The following TTC6 variants were observed in gnomAD, a reference collection of about 807,000 sequenced individuals.
TTC6 encodes tetratricopeptide repeat protein 6.
In TTC6, 172 loss-of-function variants were observed where a neutral mutation model predicts 210.4. The observed-to-expected ratio is 0.82, with a 90% confidence interval of 0.72 to 0.93. TTC6 has a LOEUF of 0.93. Among genes scored for constraint, TTC6 ranks in the 40% least tolerant of loss-of-function variants. The pLI is 0.00. For missense variants in TTC6, 2,414 were observed against 2,318.1 expected, an observed-to-expected ratio of 1.04 and a Z score of -0.85; for synonymous variants, 804 against 819.6, an observed-to-expected ratio of 0.98 and a Z score of 0.32.
chr14:37,601,942 A>G lies in TTC6; in HGVS notation c.-234-4721A>G, dbSNP rs181866752. ...TTTCTGTCAGGCAACACTTTTCACT[A>G]GGAGCTGGAAAGGAAACATCGGTGT... On this transcript the variant is annotated intron_variant, in intron 1 of 2. Coordinates refer to the TTC6 transcript ENST00000556845. Among the ~76,000 whole-genome samples the G allele has an allele frequency of 4.6e-4, 70 of 152,376 alleles. 1 individual carries two copies. The highest frequency in any genetic ancestry group is 3.4e-3 in the Middle Eastern group (1 of 294).
chr14:37,687,249 C>A (rs1266933259), intron 3 of TTC6, among the ~76,000 whole-genome samples: 1 of 152,118 alleles, frequency 6.6e-6, no homozygotes, highest in South Asian at 2.1e-4. Flanking sequence ...CTTAACCAAA[C>A]TCAGCTGGTG....
intron 4 of TTC6, among the ~76,000 whole-genome samples, chr14:37,698,312 G>T (rs2095818491): frequency 6.6e-6 from 1 of 152,074 alleles, no homozygotes; most frequent in Non-Finnish European, 1.5e-5. Flanking sequence ...AAATAACCAA[G>T]GGAAATTTAT....
intron 14 of TTC6, among the ~76,000 whole-genome samples, chr14:37,784,250 G>A (rs28814379): frequency 0.058 from 8,817 of 152,202 alleles, 572 homozygotes; most frequent in East Asian, 0.17. Flanking sequence ...TATTGTGTGG[G>A]AGTCTAAGTC....
chr14:37,757,792 G>T (rs1232558764), intron 14 of TTC6, among the ~76,000 whole-genome samples: 1 of 152,052 alleles, frequency 6.6e-6, no homozygotes, highest in African/African-American at 2.4e-5. Flanking sequence ...GTCGATTTTA[G>T]ATTGTTCCTG....
chr14:37,806,353 T>C lies in TTC6; in HGVS notation c.4165-8T>C. On this transcript the variant is annotated splice_polypyrimidine_tract_variant and splice_region_variant and intron_variant, in intron 21 of 30. Transcript: ENST00000553443. Reference sequence around the variant, plus strand: ...AATGGTTTGCATTTTGACAATATGCTCCTGTAGGCTTTTGATTCTTTTACA... The same window carrying C: ...AATGGTTTGCATTTTGACAATATGCCCCTGTAGGCTTTTGATTCTTTTACA... The C allele has an allele frequency of 6.5e-7, 1 of 1,533,242 alleles. No homozygotes were observed. Among genetic ancestry groups the C allele is most frequent in the Non-Finnish European group, 8.7e-7 (1 of 1,145,384 alleles). The allele number at this position is 1,533,242 out of a possible 1,614,324, so 95.0% of individuals were successfully genotyped here. A position where few individuals can be genotyped will look rare whatever the true frequency, so the allele number is the denominator to read the frequency against.
At chr14:37,647,999 T>C (rs991372460) in intron 1 of TTC6, among the ~76,000 whole-genome samples, 2 of 152,120 alleles carry the variant, frequency 1.3e-5, no homozygotes, top group Admixed American at 1.3e-4. Context: ...GCGTTATAAC[T>C]ATAATATTAC....
chr14:37,619,236 G>A (rs1015382049), upstream of TTC6, among the ~76,000 whole-genome samples: 1 of 152,176 alleles, frequency 6.6e-6, no homozygotes, highest in African/African-American at 2.4e-5. Context: ...GGTCTAGTCA[G>A]TCATGGAGCT....
At position 37,682,739 on chromosome 14, in the gene TTC6, C is replaced by G. The variant is rs2095786599; in HGVS notation, c.1051-19C>G. The G allele has an allele frequency of 6.5e-7, 1 of 1,531,288 alleles. No individual in the cohort carries two copies. The highest frequency in any genetic ancestry group is 2.4e-5 in the East Asian group (1 of 40,866). 94.9% of individuals were successfully genotyped at this position (1,531,288 alleles called of 1,614,324 possible). On this transcript the variant is annotated intron_variant, in intron 2 of 30. Transcript: ENST00000553443. ...CCAATAAAAAAAAAGCATTCTTGCACATTTACTTTTTCCAACAGAGCGTGC... is the reference window on the plus strand; with the variant it reads ...CCAATAAAAAAAAAGCATTCTTGCAGATTTACTTTTTCCAACAGAGCGTGC...
intron 8 of TTC6, 51 bp from the exon 11 acceptor site, chr14:37,737,609 A>G (rs2095905257): frequency 1.9e-6 from 2 of 1,059,914 alleles, no homozygotes; most frequent in Admixed American, 4.8e-5. Context: ...ATTTTAGCTT[A>G]TCAGATAGTA....
At chr14:37,805,603 GT>G (rs2096116710) in intron 21 of TTC6, among the ~76,000 whole-genome samples, 2 of 152,156 alleles carry the variant, frequency 1.3e-5, no homozygotes, top group South Asian at 4.1e-4. Context: ...TATTTTACAT[GT>G]TTTTAGTCCT....
intron 1 of TTC6, among the ~76,000 whole-genome samples, chr14:37,673,786 G>C (rs2138499310): frequency 6.6e-6 from 1 of 152,236 alleles, no homozygotes; most frequent in Middle Eastern, 3.4e-3. Context: ...GGTCCTTCCA[G>C]CTTGGACATT....
chr14:37,738,509 T>C (rs956775907), intron 9 of TTC6, among the ~76,000 whole-genome samples: 1 of 152,018 alleles, frequency 6.6e-6, no homozygotes, highest in Non-Finnish European at 1.5e-5. Flanking sequence ...ATATAGAAAA[T>C]CATAATACAT....
chr14:37,663,061 T>C (rs2138420840), intron 1 of TTC6, among the ~76,000 whole-genome samples: 1 of 152,328 alleles, frequency 6.6e-6, no homozygotes, highest in South Asian at 2.1e-4. Flanking sequence ...CATCTCTGAT[T>C]TCTTTGAGCA....
At chr14:37,657,488 C>T (rs757145731) in intron 1 of TTC6, among the ~76,000 whole-genome samples, 1 of 151,788 alleles carries the variant, frequency 6.6e-6, no homozygotes, top group Non-Finnish European at 1.5e-5. Flanking sequence ...ACGAGGACGC[C>T]GAGCCAAGAA....
chr14:37,768,628 T>A (rs1168133122), intron 14 of TTC6, among the ~76,000 whole-genome samples: 1 of 150,516 alleles, frequency 6.6e-6, no homozygotes, highest in Non-Finnish European at 1.5e-5. Flanking sequence ...ATAAGAATGC[T>A]TGTGATTTTT....
chr14:37,716,834 G>C (rs1424895733), intron 6 of TTC6, among the ~76,000 whole-genome samples: 1 of 152,002 alleles, frequency 6.6e-6, no homozygotes, highest in African/African-American at 2.4e-5. Context: ...ATAGAACACT[G>C]TACCCAACAA....
chr14:37,725,604 T>A (rs776902208), intron 7 of TTC6, among the ~76,000 whole-genome samples: 1 of 151,412 alleles, frequency 6.6e-6, no homozygotes, highest in Non-Finnish European at 1.5e-5. Flanking sequence ...CCCAGCTTGG[T>A]CTCCCAAAGT....
chr14:37,810,315 G>A (rs2096127128), intron 24 of TTC6, among the ~76,000 whole-genome samples: 1 of 152,222 alleles, frequency 6.6e-6, no homozygotes. Flanking sequence ...AATGGGCTGG[G>A]CGAGGAGGGA....
intron 29 of TTC6, among the ~76,000 whole-genome samples, chr14:37,837,751 C>A (rs570056023): frequency 1.3e-5 from 2 of 152,150 alleles, no homozygotes; most frequent in Non-Finnish European, 2.9e-5. Context: ...TAGTAACTCA[C>A]CCAAAGAAGA....
Sources: gnomAD v4.1 joint callset for allele counts (sites outside exome capture counted in the v4.1 genomes callset) on GRCh38, gnomAD v4.1.1 for gene constraint, MANE v1.5 for transcripts, NCBI Gene and HGNC (gene_info 2026-07-23, HGNC 2026-07-21) for gene names.